DNAJC6: variants seen among roughly 807,000 people sequenced by gnomAD.
The protein encoded by DNAJC6 is DnaJ heat shock protein family (Hsp40) member C6, also known as auxilin.
In DNAJC6, 34 loss-of-function variants were observed where a neutral mutation model predicts 110.0. The ratio of observed to expected loss-of-function variants is 0.31; its 90% CI spans 0.24 to 0.41. The LOEUF is 0.41. Among genes scored for constraint, DNAJC6 ranks in the 10% least tolerant of loss-of-function variants. The pLI, the probability that DNAJC6 is intolerant of heterozygous loss-of-function variation, is 1.00. For missense variants in DNAJC6, 1,031 were observed against 1,207.8 expected, an observed-to-expected ratio of 0.85 and a Z score of 2.17; for synonymous variants, 406 against 437.2, an observed-to-expected ratio of 0.93 and a Z score of 0.89.
At chr1:65,376,295 T>A (rs557991606) in intron 4 of DNAJC6, among the ~76,000 whole-genome samples, 2 of 152,032 alleles carry the variant, frequency 1.3e-5, no homozygotes, top group South Asian at 4.2e-4. Flanking sequence ...TTTCTTAGCT[T>A]ACCTAGAGGT....
At chr1:65,297,357 T>A (rs766982239) in intron 1 of DNAJC6, among the ~76,000 whole-genome samples, 8 of 152,190 alleles carry the variant, frequency 5.3e-5, no homozygotes, top group Non-Finnish European at 1.5e-5. Context: ...CATAATTAGA[T>A]CTGCATTTTA....
intron 4 of DNAJC6, among the ~76,000 whole-genome samples, chr1:65,378,960 A>C (rs1037419349): frequency 6.6e-6 from 1 of 152,226 alleles, no homozygotes; most frequent in Non-Finnish European, 1.5e-5. Context: ...AGATCCATGC[A>C]CAAGCCTGCC....
intron 1 of DNAJC6, among the ~76,000 whole-genome samples, chr1:65,319,673 A>G (rs538623154): frequency 6.6e-6 from 1 of 152,296 alleles, no homozygotes; most frequent in South Asian, 2.1e-4. Context: ...AACAACCCTG[A>G]CCCCAGAAAT....
At chr1:65,388,844 A>G (rs948614259) in intron 9 of DNAJC6, among the ~76,000 whole-genome samples, 4 of 152,108 alleles carry the variant, frequency 2.6e-5, no homozygotes, top group African/African-American at 9.7e-5. Flanking sequence ...ACATTAACCT[A>G]TCTCATAGTG....
At chr1:65,410,118 A>G (rs1646114991) in intron 17 of DNAJC6, among the ~76,000 whole-genome samples, 2 of 152,172 alleles carry the variant, frequency 1.3e-5, no homozygotes, top group African/African-American at 4.8e-5. Flanking sequence ...ATGTGACAAA[A>G]TACTAAATAT....
At chr1:65,345,568 C>T (rs1245583769) in intron 1 of DNAJC6, 1 of 720,800 alleles carries the variant, frequency 1.4e-6, no homozygotes, top group Non-Finnish European at 1.7e-6. Context: ...TCACAACACG[C>T]TAGTACTAAA....
chr1:65,342,166 C>T (rs1166756607), intron 1 of DNAJC6, among the ~76,000 whole-genome samples: 1 of 152,090 alleles, frequency 6.6e-6, no homozygotes, highest in Non-Finnish European at 1.5e-5. Context: ...GTCAGTGGAA[C>T]ACAGGCTTTG....
At chr1:65,278,178 A>G (rs1653735405) in intron 1 of DNAJC6, among the ~76,000 whole-genome samples, 1 of 152,100 alleles carries the variant, frequency 6.6e-6, no homozygotes, top group Non-Finnish European at 1.5e-5. Context: ...CATGTGCTTC[A>G]TGTCACTGCC....
intron 1 of DNAJC6, chr1:65,279,212 C>CG: frequency 1.0e-6 from 1 of 964,572 alleles, no homozygotes; most frequent in Non-Finnish European, 1.2e-6. Context: ...GGGGGAGGGG[C>CG]GGTGATGGTG....
At chr1:65,396,468 C>G (rs1193299220) in intron 13 of DNAJC6, among the ~76,000 whole-genome samples, 1 of 152,116 alleles carries the variant, frequency 6.6e-6, no homozygotes, top group Non-Finnish European at 1.5e-5. Context: ...CTCTGCATTC[C>G]AGCTGTACTG....
At chr1:65,359,604 A>T (rs1645579223) in intron 1 of DNAJC6, among the ~76,000 whole-genome samples, 1 of 152,192 alleles carries the variant, frequency 6.6e-6, no homozygotes, top group African/African-American at 2.4e-5. Flanking sequence ...TAGTAAGCAG[A>T]GTGTTCTTTC....
At chr1:65,364,054 A>G (rs1200261125) in intron 1 of DNAJC6, among the ~76,000 whole-genome samples, 3 of 152,102 alleles carry the variant, frequency 2.0e-5, no homozygotes, top group Admixed American at 6.6e-5. Context: ...GACTCACTGA[A>G]GTTGACTACT....
intron 1 of DNAJC6, among the ~76,000 whole-genome samples, chr1:65,292,051 T>C (rs1644881511): frequency 6.6e-6 from 1 of 152,164 alleles, no homozygotes; most frequent in Admixed American, 6.6e-5. Flanking sequence ...AGTTTCGCTC[T>C]TGTTGCCCAG....
At chr1:65,365,703 C>G (rs556840881) in intron 2 of DNAJC6, among the ~76,000 whole-genome samples, 182 bp from the exon 3 acceptor site, 20 of 152,202 alleles carry the variant, frequency 1.3e-4, no homozygotes, top group African/African-American at 4.8e-4. Flanking sequence ...TATTTATACC[C>G]CTGAGGTCAC....
intron 1 of DNAJC6, among the ~76,000 whole-genome samples, chr1:65,286,382 G>A (rs1056557368): frequency 3.3e-5 from 5 of 152,114 alleles, no homozygotes; most frequent in African/African-American, 1.2e-4. Flanking sequence ...GAGTAGCTGG[G>A]ACTACAGGTA....
At chr1:65,364,884 G>T in intron 2 of DNAJC6, 99 bp downstream of exon 2, 1 of 1,466,568 alleles carries the variant, frequency 6.8e-7, no homozygotes, top group Non-Finnish European at 9.2e-7. Context: ...TGTCAATTTT[G>T]GGATATAATT....
chr1:65,335,395 T>G (rs1645326819), intron 1 of DNAJC6, among the ~76,000 whole-genome samples: 1 of 152,008 alleles, frequency 6.6e-6, no homozygotes, highest in African/African-American at 2.4e-5. Context: ...ATTACAGGCA[T>G]GAGCCACCAG....
chr1:65,265,283 AAT>A (rs1452111357), intron 1 of DNAJC6, among the ~76,000 whole-genome samples: 1 of 152,226 alleles, frequency 6.6e-6, no homozygotes, highest in African/African-American at 2.4e-5. Flanking sequence ...GTTAATAATG[AAT>A]ATACAGGTTT....
rs60515960 is a variant in DNAJC6 at position 65,373,628 on chromosome 1, G to GTT, written c.544-5763_544-5762dup. ...AACTCTTTTGCCCAGTTTTTAATTTGTTTTTTTTTTTTATTGTTGAGTTGT... is the reference window on the plus strand; with the variant it reads ...AACTCTTTTGCCCAGTTTTTAATTTGTTTTTTTTTTTTTTATTGTTGAGTTGT... On this transcript the variant is annotated intron_variant, in intron 4 of 18. Coordinates refer to ENST00000371069, the MANE Select transcript of DNAJC6 (RefSeq NM_001256864.2). 5.8e-3 allele frequency among the ~76,000 whole-genome samples: 840 copies of GTT among 144,784 alleles called. 1 individual carries two copies. The highest frequency in any genetic ancestry group is 0.012 in the African/African-American group (485 of 39,578). The allele number at this position is 144,784 out of a possible 152,430, so 95.0% of individuals were successfully genotyped here. A position where few individuals can be genotyped will look rare whatever the true frequency, so the allele number is the denominator to read the frequency against.
Sources: allele counts gnomAD v4.1 joint callset (sites outside exome capture counted in the v4.1 genomes callset), GRCh38; gene constraint gnomAD v4.1.1; transcripts MANE v1.5; gene names NCBI Gene and HGNC (gene_info 2026-07-23, HGNC 2026-07-21).